The following PLD5 variants were observed in gnomAD, a reference collection of about 807,000 sequenced individuals.
PLD5 encodes inactive phospholipase D5.
In PLD5, 36 loss-of-function variants were observed where a neutral mutation model predicts 61.1. The ratio of observed to expected loss-of-function variants is 0.59; its 90% CI spans 0.45 to 0.78. The LOEUF (loss-of-function observed/expected upper bound fraction) is 0.78, where lower values mean the gene tolerates loss of function less well. Ranked by LOEUF, PLD5 falls within the 30% of genes least tolerant of loss-of-function variation. PLD5 has a pLI of 0.00. For synonymous variants in PLD5, 243 were observed against 242.8 expected, an observed-to-expected ratio of 1.00 and a Z score of -0.01; for missense variants, 515 against 644.4, an observed-to-expected ratio of 0.80 and a Z score of 2.17.
rs186282808 is a variant in PLD5 at position 242,098,255 on chromosome 1, G to A, written c.1354+2413C>T. Among the ~76,000 whole-genome samples, 58 of 152,250 alleles carry A rather than the reference G, an allele frequency of 3.8e-4. No homozygotes were observed. The East Asian group carries it at 6.0e-3, about 16-fold the overall frequency. On this transcript the variant is annotated intron_variant, in intron 9 of 9. Coordinates refer to ENST00000536534, the MANE Select transcript of PLD5 (RefSeq NM_001372062.1). ...CCTGTATTTCTTGGAGGCTTTGTTC[G>A]TTTCTTTTTATTCTTTTTTCTCTAA...
chr1:242,447,317 G>T (rs1289777944), intron 1 of PLD5, among the ~76,000 whole-genome samples: 1 of 152,220 alleles, frequency 6.6e-6, no homozygotes, highest in Non-Finnish European at 1.5e-5. Flanking sequence ...TGAGGTCAAG[G>T]AGAGTGTTTT....
In PLD5 at chr1:242,438,467, G is replaced by A. The variant is rs1246565617; in HGVS notation, c.189+85621C>T. Among the ~76,000 whole-genome samples, 7 of 118,278 alleles carry A rather than the reference G, an allele frequency of 5.9e-5. No homozygotes were observed. In the South Asian group the frequency reaches 2.1e-3, roughly 35 times the overall value. The allele number at this position is 118,278 out of a possible 152,430, so 77.6% of individuals were successfully genotyped here. A position where few individuals can be genotyped will look rare whatever the true frequency, so the allele number is the denominator to read the frequency against. ...TTTTTTTTTTTTTTTTTTTTGAGAT[G>A]GAGTTTCACTCTTGTCACCCAGGTT... is the stretch of plus-strand genomic sequence containing the variant. On this transcript the variant is annotated intron_variant, in intron 1 of 9. Coordinates refer to ENST00000536534, the MANE Select transcript of PLD5 (RefSeq NM_001372062.1).
At chr1:242,361,807 A>C (rs3964167) in intron 1 of PLD5, among the ~76,000 whole-genome samples, 1 of 152,112 alleles carries the variant, frequency 6.6e-6, no homozygotes, top group Non-Finnish European at 1.5e-5. Context: ...TTTTCAAGCT[A>C]AGCTTTTATA....
At chr1:242,161,477 A>T (rs1035166878) in intron 5 of PLD5, among the ~76,000 whole-genome samples, 46 of 152,152 alleles carry the variant, frequency 3.0e-4, no homozygotes, top group Non-Finnish European at 5.1e-4. Context: ...AGAAAAAAAA[A>T]ATAGTATTAA....
chr1:242,355,841 C>T (rs1857146), intron 1 of PLD5, among the ~76,000 whole-genome samples: 134,686 of 152,052 alleles, frequency 0.89, 61,090 homozygotes, highest in Non-Finnish European at 0.98. Context: ...CTTTTATTCA[C>T]TGATCAACTG....
rs142361724 is a variant in PLD5 at position 242,200,733 on chromosome 1, G to A, written c.735+19255C>T. On this transcript the variant is annotated intron_variant, in intron 5 of 9. Transcript: ENST00000536534. ...CAGGACATTCTTCAATTAGCCTCTTGGAGACAGTCTCCTGATCTGTGAAAT... is the reference window on the plus strand; with the variant it reads ...CAGGACATTCTTCAATTAGCCTCTTAGAGACAGTCTCCTGATCTGTGAAAT... 1.3e-4 allele frequency among the ~76,000 whole-genome samples: 20 copies of A among 152,256 alleles called. 1 individual carries two copies. Among genetic ancestry groups the A allele is most frequent in the African/African-American group, 4.8e-4 (20 of 41,550 alleles).
At position 242,089,296 on chromosome 1, in the gene PLD5, G is replaced by A. The variant is rs1659631230; in HGVS notation, c.*558C>T. 1 of 399,264 alleles carries A rather than the reference G, an allele frequency of 2.5e-6. No individual in the cohort carries two copies. Among genetic ancestry groups the A allele is most frequent in the African/African-American group, 2.1e-5 (1 of 48,604 alleles). 24.7% of individuals were successfully genotyped at this position (399,264 alleles called of 1,614,324 possible). ...AAAATGATACCAAATAAAACTTATG[G>A]TATAAGAAGAAAATGAGCAAGACAG... On this transcript the variant is annotated 3_prime_UTR_variant, in exon 10 of 10. Transcript: ENST00000536534.
chr1:242,306,087 T>C (rs1464801679), intron 2 of PLD5, among the ~76,000 whole-genome samples: 1 of 151,560 alleles, frequency 6.6e-6, no homozygotes, highest in Non-Finnish European at 1.5e-5. Context: ...GCTTTGCCAG[T>C]CCCCAAAACT....
intron 1 of PLD5, among the ~76,000 whole-genome samples, chr1:242,423,557 A>G (rs1022801416): frequency 2.6e-5 from 4 of 152,186 alleles, no homozygotes; most frequent in Admixed American, 6.5e-5. Context: ...AGCCAGGCAC[A>G]GTGAAGCGCT....
intron 1 of PLD5, among the ~76,000 whole-genome samples, chr1:242,427,467 A>C (rs1211320320): frequency 6.6e-6 from 1 of 152,198 alleles, no homozygotes; most frequent in Non-Finnish European, 1.5e-5. Context: ...GGTTTGTTCT[A>C]CCATGATTCA....
chr1:242,265,205 C>T, intron 4 of PLD5, 132 bp downstream of exon 4: 2 of 1,172,908 alleles, frequency 1.7e-6, no homozygotes, highest in Non-Finnish European at 2.2e-6. Flanking sequence ...AGTTATTTTT[C>T]AAAGATGTAA....
chr1:242,467,888 A>G (rs2102945276), intron 1 of PLD5, among the ~76,000 whole-genome samples: 1 of 152,286 alleles, frequency 6.6e-6, no homozygotes, highest in Non-Finnish European at 1.5e-5. Flanking sequence ...AGAGCTCTGA[A>G]GAAAGCCCCT....
chr1:242,407,128 TAGTG>T (rs1356078867), intron 1 of PLD5, among the ~76,000 whole-genome samples: 3 of 152,156 alleles, frequency 2.0e-5, no homozygotes, highest in Non-Finnish European at 2.9e-5. Context: ...TTTCTCATGA[TAGTG>T]AGTAAGTCTC....
chr1:242,350,434 TACACACACACACAC>T (rs57955584), intron 1 of PLD5, among the ~76,000 whole-genome samples: 7,976 of 145,304 alleles, frequency 0.055, 292 homozygotes, highest in East Asian at 0.15. Flanking sequence ...TATACACACG[TACACACACACACAC>T]ACACACACAC....
At chr1:242,512,252 A>C (rs1325118287) in intron 1 of PLD5, among the ~76,000 whole-genome samples, 1 of 140,740 alleles carries the variant, frequency 7.1e-6, no homozygotes, top group Non-Finnish European at 1.5e-5. Context: ...TCTACTAAAA[A>C]TACAAAAAAA....
At chr1:242,387,961 GAAATATTGATAATGCAGGA>G (rs992480125) in intron 1 of PLD5, among the ~76,000 whole-genome samples, 1 of 152,102 alleles carries the variant, frequency 6.6e-6, no homozygotes, top group Non-Finnish European at 1.5e-5. Flanking sequence ...CACAGAAAGG[GAAATATTGATAATGCAGGA>G]GAAAAAGGCG....
chr1:242,499,834 C>T (rs1875758), intron 1 of PLD5, among the ~76,000 whole-genome samples: 49,121 of 151,978 alleles, frequency 0.32, 8,295 homozygotes, highest in Admixed American at 0.42. Context: ...TGTCTATTTC[C>T]TCCACTTGGG....
chr1:242,354,815 T>TG (rs1660670004), intron 1 of PLD5, among the ~76,000 whole-genome samples: 3 of 148,980 alleles, frequency 2.0e-5, no homozygotes, highest in African/African-American at 7.7e-5. Context: ...ACAATTTGAG[T>TG]GTTTTTTTTT....
At chr1:242,259,528 C>T (rs2653196) in intron 4 of PLD5, among the ~76,000 whole-genome samples, 55 of 152,098 alleles carry the variant, frequency 3.6e-4, no homozygotes, top group Admixed American at 1.1e-3. Context: ...GAGACTGAAA[C>T]GAGATATTTC....
Sources: allele counts gnomAD v4.1 joint callset (sites outside exome capture counted in the v4.1 genomes callset), GRCh38; gene constraint gnomAD v4.1.1; transcripts MANE v1.5; gene names NCBI Gene and HGNC (gene_info 2026-07-23, HGNC 2026-07-21).